Variants in CHGA observed in about 807,000 individuals in gnomAD.
CHGA encodes chromogranin A, also known as chromogranin-A.
Under a neutral mutation model 54.4 loss-of-function variants are expected in CHGA, and 41 were observed. The ratio of observed to expected loss-of-function variants is 0.75; its 90% CI spans 0.59 to 0.98. The LOEUF (loss-of-function observed/expected upper bound fraction) is 0.98, where lower values mean the gene tolerates loss of function less well. Ranked by LOEUF, CHGA falls within the 50% of genes least tolerant of loss-of-function variation. The pLI, the probability that CHGA is intolerant of heterozygous loss-of-function variation, is 0.00. For synonymous variants in CHGA, 249 were observed against 232.8 expected, an observed-to-expected ratio of 1.07 and a Z score of -0.63; for missense variants, 576 against 582.3, an observed-to-expected ratio of 0.99 and a Z score of 0.11.
chr14:92,931,393 A>G lies in CHGA; in HGVS notation c.499A>G (p.Asn167Asp). The G allele has an allele frequency of 6.2e-7, 1 of 1,612,626 alleles. No homozygotes were observed. The highest frequency in any genetic ancestry group is 8.5e-7 in the Non-Finnish European group (1 of 1,179,700). Reference sequence around the variant, plus strand: ...GCAGGAGTCCAAGGCTGAGGGGAACAATCAGGCCCCTGGGGAGGAAGAGGA... The same window carrying G: ...GCAGGAGTCCAAGGCTGAGGGGAACGATCAGGCCCCTGGGGAGGAAGAGGA... The part of the protein sequence containing the change: ...PMQESKAEGN[N>D]QAPGEEEEEE... The change falls in exon 6 of 8, where the codon AAT becomes GAT. Residue 167 changes from asparagine (N) to aspartate (D), a missense_variant. Asn to Asp is a conservative substitution (Grantham distance 23). Transcript: ENST00000216492.
At position 92,931,698 on chromosome 14, in the gene CHGA, C is replaced by T. The variant is rs968133757; in HGVS notation, c.804C>T (p.Gly268=). Residue 268 remains glycine, a synonymous_variant, in exon 6 of 8, where the codon GGC becomes GGT. Transcript: ENST00000216492. ...TTGGCTACAAGGAGATCCGGAAAGG[C>T]GAGAGTACGTATGATGGCGAAGACC... ...PSLGYKEIRK[G]ESRSEALAVD... 1.2e-5 allele frequency: 19 copies of T among 1,567,892 alleles called. No homozygotes were observed. Among genetic ancestry groups the T allele is most frequent in the African/African-American group, 4.1e-5 (3 of 73,882 alleles).
chr14:92,932,191 A>G lies in CHGA; in HGVS notation c.809-179A>G. On this transcript the variant is annotated intron_variant, in intron 6 of 7. Coordinates refer to ENST00000216492, the MANE Select transcript of CHGA (RefSeq NM_001275.4). This position sits in a 1 kb window ranked among gnomAD's most constrained non-coding sequence, Gnocchi z 5.3. ...GGAAGAGGCAGGCTCCAGCTAACCC[A>G]CCCCTCTGAGCCGAGAGGGTCTTGC... 1 of 800,056 alleles carries G rather than the reference A, an allele frequency of 1.2e-6. No individual in the cohort carries two copies. Among genetic ancestry groups the G allele is most frequent in the Non-Finnish European group, 1.9e-6 (1 of 533,376 alleles). The allele number at this position is 800,056 out of a possible 1,614,324, so 49.6% of individuals were successfully genotyped here.
rs1333044303 is a variant in CHGA at position 92,932,186 on chromosome 14, A to T, written c.809-184A>T. ...TGAGGGGAAGAGGCAGGCTCCAGCT[A>T]ACCCACCCCTCTGAGCCGAGAGGGT... On this transcript the variant is annotated intron_variant, in intron 6 of 7. Transcript: ENST00000216492. This position sits in a 1 kb window ranked among gnomAD's most constrained non-coding sequence, Gnocchi z 5.3. The T allele has an allele frequency of 1.3e-6, 1 of 755,056 alleles. No homozygotes were observed. Among genetic ancestry groups the T allele is most frequent in the East Asian group, 3.0e-5 (1 of 33,546 alleles). 46.8% of individuals were successfully genotyped at this position (755,056 alleles called of 1,614,324 possible).
intron 2 of CHGA, among the ~76,000 whole-genome samples, chr14:92,925,828 G>A (rs1346180146): frequency 6.6e-6 from 1 of 152,210 alleles, no homozygotes; most frequent in Non-Finnish European, 1.5e-5. Context: ...GAGGCTCAGA[G>A]AGGTTAAGTC....
At chr14:92,928,134 G>A (rs372800649) in intron 4 of CHGA, among the ~76,000 whole-genome samples, 5 of 152,260 alleles carry the variant, frequency 3.3e-5, no homozygotes, top group East Asian at 1.9e-4. Flanking sequence ...GGAAGCGGCC[G>A]TTTCCACCAG....
At chr14:92,923,754 C>A (rs942782353) in intron 1 of CHGA, among the ~76,000 whole-genome samples, 1 of 152,180 alleles carries the variant, frequency 6.6e-6, no homozygotes, top group Non-Finnish European at 1.5e-5. Context: ...CAACCCTCCA[C>A]CCCTCTTCCC....
rs187887130 is a variant in CHGA, at chr14:92,935,027, G to A, written c.*143G>A. 153 of 627,058 alleles carry A rather than the reference G, an allele frequency of 2.4e-4. No individual in the cohort carries two copies. The Admixed American group carries it at 4.9e-3, about 20-fold the overall frequency. 38.8% of individuals were successfully genotyped at this position (627,058 alleles called of 1,614,324 possible). A position where few individuals can be genotyped will look rare whatever the true frequency, so the allele number is the denominator to read the frequency against. On this transcript the variant is annotated 3_prime_UTR_variant, in exon 8 of 8. Coordinates refer to ENST00000216492, the MANE Select transcript of CHGA (RefSeq NM_001275.4). ...CTGCCCAAGCCCAGGCCACCCTATC[G>A]CCCCCTACGCGCCTTGTCTCCTACT...
chr14:92,932,795 C>T lies in CHGA; in HGVS notation c.1234C>T (p.Arg412Ter), dbSNP rs750853273. The change falls in exon 7 of 8, where the codon CGA becomes TGA. Residue 412 changes from arginine to a stop codon, truncating the protein, a stop_gained. Transcript: ENST00000216492. LOFTEE classifies it high-confidence loss of function. The surrounding 1 kb of genome is among the most constrained non-coding windows in gnomAD (Gnocchi z 5.3). Reference sequence around the variant, plus strand: ...TGAGGCGGGCCTGCCCCTCCAGGTCCGAGGCTACCCCGAGGAGAAGAAAGA... The same window carrying T: ...TGAGGCGGGCCTGCCCCTCCAGGTCTGAGGCTACCCCGAGGAGAAGAAAGA... ...SLEAGLPLQVRGYPEEKKEEE... is the reference protein window; with the variant it reads ...SLEAGLPLQV 9 of 1,568,496 alleles carry T rather than the reference C, an allele frequency of 5.7e-6. No homozygotes were observed. Among genetic ancestry groups the T allele is most frequent in the Admixed American group, 1.8e-5 (1 of 54,200 alleles).
In CHGA at chr14:92,926,223, G is replaced by A. The variant is rs766290297; in HGVS notation, c.94-382G>A. The A allele has an allele frequency of 2.7e-5, 6 of 219,378 alleles. No homozygotes were observed. The East Asian group carries it at 3.0e-4, about 11-fold the overall frequency. The allele number at this position is 219,378 out of a possible 1,614,324, so 13.6% of individuals were successfully genotyped here. ...GGACCTGACCTTTGGGCATCTTCAC[G>A]ATCAGAGCACTTTTGTAAGACATCA... On this transcript the variant is annotated intron_variant, in intron 2 of 7. Coordinates refer to ENST00000216492, the MANE Select transcript of CHGA (RefSeq NM_001275.4).
chr14:92,931,763 G>A (rs1566675048), intron 6 of CHGA, 61 bp downstream of exon 6: 2 of 1,480,506 alleles, frequency 1.4e-6, no homozygotes, highest in Non-Finnish European at 1.8e-6. Flanking sequence ...GGTGGGAGGA[G>A]AGCCTTCTCC....
intron 2 of CHGA, among the ~76,000 whole-genome samples, chr14:92,925,586 C>G (rs995509776): frequency 2.0e-5 from 3 of 152,152 alleles, no homozygotes; most frequent in African/African-American, 7.2e-5. Flanking sequence ...CTTGGCATCC[C>G]GTAGACACAG....
At chr14:92,934,414 C>T (rs1887075064) in intron 7 of CHGA, among the ~76,000 whole-genome samples, 1 of 152,210 alleles carries the variant, frequency 6.6e-6, no homozygotes, top group Admixed American at 6.5e-5. Context: ...CCGGAAGTCC[C>T]AGGCTGGCCT....
intron 2 of CHGA, 126 bp downstream of exon 2, chr14:92,924,371 G>A (rs564706476): frequency 2.3e-6 from 2 of 878,060 alleles, no homozygotes; most frequent in East Asian, 2.9e-5. Context: ...GCTGAGCCTG[G>A]GGACAGCTTG....
chr14:92,931,745 G>T (rs961657656), intron 6 of CHGA, 43 bp downstream of exon 6: 2 of 1,519,774 alleles, frequency 1.3e-6, no homozygotes, highest in Non-Finnish European at 1.8e-6. Context: ...GTCTGGGAGA[G>T]GGGGATGGGT....
chr14:92,927,879 C>T (rs147258037), intron 4 of CHGA, among the ~76,000 whole-genome samples: 138 of 152,350 alleles, frequency 9.1e-4, no homozygotes, highest in African/African-American at 2.9e-3. Context: ...CTAAAACCCA[C>T]GGCCTCTGCA....
rs1478541194 is a variant in CHGA at position 92,934,810 on chromosome 14, C to T, written c.1300C>T (p.Leu434=). ...CCAATGTCTCTCCTAGGACCAGGAG[C>T]TGGAGAGCCTGTCGGCCATTGAAGC... The part of the protein sequence containing the change: ...SANRRPEDQE[L]ESLSAIEAEL... Residue 434 remains leucine (L), a synonymous_variant, in exon 8 of 8, where the codon CTG becomes TTG. Coordinates refer to ENST00000216492, the MANE Select transcript of CHGA (RefSeq NM_001275.4). 1 of 1,583,076 alleles carries T rather than the reference C, an allele frequency of 6.3e-7. No homozygotes were observed.
In CHGA at chr14:92,931,519, G is replaced by A. The variant is rs1212594265; in HGVS notation, c.625G>A (p.Gly209Ser). The A allele has an allele frequency of 6.2e-7, 1 of 1,612,710 alleles. No individual in the cohort carries two copies. Among genetic ancestry groups the A allele is most frequent in the Admixed American group, 1.7e-5 (1 of 59,906 alleles). ...AEGDSEGLSQ[G>S]LVDREKGLSA... Reference sequence around the variant, plus strand: ...GGGGGACAGTGAGGGCCTCTCTCAGGGTCTGGTGGACAGAGAGAAGGGCCT... The same window carrying A: ...GGGGGACAGTGAGGGCCTCTCTCAGAGTCTGGTGGACAGAGAGAAGGGCCT... The change falls in exon 6 of 8, where the codon GGT (glycine) becomes AGT (serine). Residue 209 changes from glycine (G) to serine (S), a missense_variant. Transcript: ENST00000216492.
At position 92,932,873 on chromosome 14, in the gene CHGA, G is replaced by T; in HGVS notation, c.1290+22G>T. 1.4e-6 allele frequency: 2 copies of T among 1,462,004 alleles called. No homozygotes were observed. Among genetic ancestry groups the T allele is most frequent in the Non-Finnish European group, 9.1e-7 (1 of 1,104,392 alleles). 90.6% of individuals were successfully genotyped at this position (1,462,004 alleles called of 1,614,324 possible). ...AGAGGTTGGTATGGGGCGGGAGCCA[G>T]CTCTGTGCCAGGCCACGGAGCAGCA... On this transcript the variant is annotated intron_variant, in intron 7 of 7. Transcript: ENST00000216492. This position sits in a 1 kb window ranked among gnomAD's most constrained non-coding sequence, Gnocchi z 5.3.
rs1887002607 is a variant in CHGA, at chr14:92,931,703, G to A, written c.808+1G>A. The A allele has an allele frequency of 6.4e-7, 1 of 1,559,396 alleles. No individual in the cohort carries two copies. Among genetic ancestry groups the A allele is most frequent in the South Asian group, 1.2e-5 (1 of 82,268 alleles). On this transcript the variant is annotated splice_donor_variant, in intron 6 of 7. Coordinates refer to ENST00000216492, the MANE Select transcript of CHGA (RefSeq NM_001275.4). LOFTEE classifies it high-confidence loss of function. ...TACAAGGAGATCCGGAAAGGCGAGA[G>A]TACGTATGATGGCGAAGACCTCAAC... is the stretch of plus-strand genomic sequence containing the variant.
Sources: allele counts gnomAD v4.1 joint callset (sites outside exome capture counted in the v4.1 genomes callset), GRCh38; gene constraint gnomAD v4.1.1; non-coding constraint Gnocchi (gnomAD v3.1); transcripts MANE v1.5; gene names NCBI Gene and HGNC (gene_info 2026-07-23, HGNC 2026-07-21).